Variants in WDR59 observed in about 807,000 individuals in gnomAD.
WDR59 encodes the protein GATOR2 complex protein WDR59.
WDR59 carries 100 observed loss-of-function variants against 131.2 expected under a neutral mutation model. The observed-to-expected ratio is 0.76, with a 90% CI of 0.65 to 0.90. WDR59 has a LOEUF of 0.90. Ranked by LOEUF, WDR59 falls within the 40% of genes least tolerant of loss-of-function variation. The pLI is 0.00. For synonymous variants in WDR59, 601 were observed against 466.2 expected (o/e 1.29, Z -3.72); for missense variants, 1,203 against 1,262.2 (o/e 0.95, Z 0.71).
At chr16:74,983,894 G>C (rs1463033381) in intron 1 of WDR59, among the ~76,000 whole-genome samples, 1 of 151,914 alleles carries the variant, frequency 6.6e-6, no homozygotes, top group African/African-American at 2.4e-5. Context: ...TGGGAGGATA[G>C]CTTGAGCCCA....
At chr16:74,945,540 G>A (rs1267029811) in intron 6 of WDR59, among the ~76,000 whole-genome samples, 2 of 151,890 alleles carry the variant, frequency 1.3e-5, no homozygotes, top group Admixed American at 1.3e-4. Context: ...TGTGATTGAG[G>A]CATCTGTAGA....
intron 1 of WDR59, among the ~76,000 whole-genome samples, chr16:74,971,281 T>A (rs2033971750): frequency 6.6e-6 from 1 of 152,068 alleles, no homozygotes; most frequent in Non-Finnish European, 1.5e-5. Context: ...GCATGCTGTG[T>A]GAGACGTTCT....
At chr16:74,911,642 G>A (rs897941232) in intron 14 of WDR59, among the ~76,000 whole-genome samples, 1 of 152,188 alleles carries the variant, frequency 6.6e-6, no homozygotes, top group Non-Finnish European at 1.5e-5. Context: ...TGTGCAGCTA[G>A]CCAGCCTGTC....
chr16:74,888,591 G>C (rs1964888131), intron 21 of WDR59, among the ~76,000 whole-genome samples: 1 of 152,202 alleles, frequency 6.6e-6, no homozygotes, highest in Admixed American at 6.5e-5. Context: ...TCAGGCATGG[G>C]CTTAAACATG....
chr16:74,935,184 C>G (rs938812818), intron 8 of WDR59, among the ~76,000 whole-genome samples: 2 of 151,868 alleles, frequency 1.3e-5, no homozygotes, highest in African/African-American at 4.8e-5. Flanking sequence ...GAGCCAAGAT[C>G]ACACCACTGC....
At chr16:74,979,922 C>G (rs901476792) in intron 1 of WDR59, among the ~76,000 whole-genome samples, 1 of 145,984 alleles carries the variant, frequency 6.9e-6, no homozygotes, top group African/African-American at 2.5e-5. Context: ...GATCTCAGCT[C>G]ACCACAACCT....
rs536746617 is a variant in WDR59 at position 74,951,937 on chromosome 16, A to G, written c.241-394T>C. 2.6e-5 allele frequency among the ~76,000 whole-genome samples: 4 copies of G among 151,598 alleles called. No homozygotes were observed. In the South Asian group the frequency reaches 8.3e-4, roughly 32 times the overall value. On this transcript the variant is annotated intron_variant, in intron 3 of 25. Coordinates refer to ENST00000262144, the MANE Select transcript of WDR59 (RefSeq NM_030581.4). ...AGCTGCTGGTACACTGGATGTCTCC[A>G]GCTCACCCTTCCATGACCAAATGCC...
intron 6 of WDR59, among the ~76,000 whole-genome samples, chr16:74,944,979 C>G (rs1484263482): frequency 6.6e-6 from 1 of 151,886 alleles, no homozygotes; most frequent in Non-Finnish European, 1.5e-5. Context: ...CAAAAATTAG[C>G]TGGGTGTGGT....
intron 2 of WDR59, chr16:74,959,445 G>A: frequency 2.4e-6 from 1 of 421,544 alleles, no homozygotes; most frequent in Non-Finnish European, 4.7e-6. Flanking sequence ...AAACCTGAAG[G>A]ATAGGGACTA....
chr16:74,910,942 C>A (rs983531196), intron 14 of WDR59, among the ~76,000 whole-genome samples: 14 of 152,186 alleles, frequency 9.2e-5, no homozygotes, highest in African/African-American at 2.7e-4. Flanking sequence ...TGGCTCACTA[C>A]AACCCCCACC....
Position 74,916,108 on chromosome 16 carries a change from C to A in WDR59, c.1099+19G>T. 2 of 1,614,186 alleles carry A rather than the reference C, an allele frequency of 1.2e-6. No homozygotes were observed. Among genetic ancestry groups the A allele is most frequent in the Non-Finnish European group, 1.7e-6 (2 of 1,180,024 alleles). On this transcript the variant is annotated intron_variant, in intron 12 of 25. Coordinates refer to ENST00000262144, the MANE Select transcript of WDR59 (RefSeq NM_030581.4). ...GCGTAGAGTGGCACCTTACCTGAGA[C>A]ATCAGTTTGACAAATTACCTTCTTC...
chr16:74,936,773 C>T (rs975691764), intron 8 of WDR59, among the ~76,000 whole-genome samples: 8 of 151,542 alleles, frequency 5.3e-5, no homozygotes, highest in Non-Finnish European at 8.8e-5. Context: ...TGCAGTGAGC[C>T]GAGATCACAC....
In WDR59 at chr16:74,917,909, C is replaced by T. The variant is rs1234828715; in HGVS notation, c.966+20G>A. On this transcript the variant is annotated intron_variant, in intron 11 of 25. Transcript: ENST00000262144. ...TGGTGGATTCAGGTACATTTCTCCACAATAGCACTGCATACATACCCTCTG... is the reference window on the plus strand; with the variant it reads ...TGGTGGATTCAGGTACATTTCTCCATAATAGCACTGCATACATACCCTCTG... 1.9e-6 allele frequency: 3 copies of T among 1,608,386 alleles called. No individual in the cohort carries two copies. The highest frequency in any genetic ancestry group is 8.5e-7 in the Non-Finnish European group (1 of 1,176,164).
chr16:74,893,923 C>T, intron 18 of WDR59, 111 bp from the exon 19 acceptor site: 1 of 1,171,630 alleles, frequency 8.5e-7, no homozygotes, highest in African/African-American at 1.5e-5. Context: ...TTAAAAATTA[C>T]ATCATGCCCA....
chr16:74,971,089 C>A (rs1162022150), intron 1 of WDR59, among the ~76,000 whole-genome samples: 3 of 152,012 alleles, frequency 2.0e-5, no homozygotes, highest in African/African-American at 7.2e-5. Flanking sequence ...AGAACCAAGT[C>A]AAAATCAAGG....
intron 18 of WDR59, among the ~76,000 whole-genome samples, chr16:74,895,892 G>T (rs1400913940): frequency 1.3e-5 from 2 of 152,138 alleles, no homozygotes; most frequent in African/African-American, 4.8e-5. Flanking sequence ...TTTAGGGAGG[G>T]TCATTTAGCC....
At position 74,936,163 on chromosome 16, in the gene WDR59, TG is replaced by T. The variant is rs541717244; in HGVS notation, c.651+1986del. On this transcript the variant is annotated intron_variant, in intron 8 of 25. Coordinates refer to ENST00000262144, the MANE Select transcript of WDR59 (RefSeq NM_030581.4). ...TCCCAAAGTGCTGGGATTATAGGCATGAGCCACCATGCCCGACCACCCTTGG... is the reference window on the plus strand; with the variant it reads ...TCCCAAAGTGCTGGGATTATAGGCATAGCCACCATGCCCGACCACCCTTGG... Among the ~76,000 whole-genome samples the T allele has an allele frequency of 1.4e-4, 21 of 152,256 alleles. No individual in the cohort carries two copies. The East Asian group carries it at 4.1e-3, about 29-fold the overall frequency.
chr16:74,932,256 C>T (rs1215000174), intron 8 of WDR59, among the ~76,000 whole-genome samples: 4 of 151,072 alleles, frequency 2.6e-5, no homozygotes, highest in African/African-American at 9.7e-5. Flanking sequence ...ACCAGCCCAG[C>T]TATTTTTTTA....
intron 10 of WDR59, among the ~76,000 whole-genome samples, chr16:74,919,361 C>T (rs551818350): frequency 1.3e-4 from 19 of 151,822 alleles, no homozygotes; most frequent in Non-Finnish European, 2.2e-4. Context: ...GATAGGGTCT[C>T]ACTTTGTCAC....
Sources: gnomAD v4.1 joint callset for allele counts (sites outside exome capture counted in the v4.1 genomes callset) on GRCh38, gnomAD v4.1.1 for gene constraint, MANE v1.5 for transcripts, NCBI Gene and HGNC (gene_info 2026-07-23, HGNC 2026-07-21) for gene names.